ESR1: variants seen among roughly 807,000 people sequenced by gnomAD.
The protein encoded by ESR1 is estrogen receptor.
A neutral mutation model predicts 52.7 loss-of-function variants in ESR1; 12 were observed. The ratio of observed to expected loss-of-function variants is 0.23; its 90% CI spans 0.15 to 0.37. ESR1 has a LOEUF of 0.37. Among genes scored for constraint, ESR1 ranks in the 10% least tolerant of loss-of-function variants. The pLI is 1.00. For missense variants in ESR1, 584 were observed against 779.7 expected (o/e 0.75, Z 2.99); for synonymous variants, 305 against 316.8 (o/e 0.96, Z 0.39).
At chr6:151,719,681 A>G (rs914372426) in intron 2 of ESR1, among the ~76,000 whole-genome samples, 1 of 152,196 alleles carries the variant, frequency 6.6e-6, no homozygotes, top group African/African-American at 2.4e-5. Flanking sequence ...CTATCTCTAC[A>G]ATTCATTTTC....
intron 2 of ESR1, among the ~76,000 whole-genome samples, chr6:151,724,739 G>A (rs1781715786): frequency 6.6e-6 from 1 of 152,182 alleles, no homozygotes. Flanking sequence ...AGATTTTTGT[G>A]AGGTGGGGGA....
chr6:151,931,612 C>T (rs865998855), intron 3 of ESR1, among the ~76,000 whole-genome samples: 1 of 128,202 alleles, frequency 7.8e-6, no homozygotes, highest in East Asian at 2.6e-4. Flanking sequence ...CTCCCCCCAC[C>T]CCACAACACT....
intron 4 of ESR1, among the ~76,000 whole-genome samples, chr6:152,002,226 T>C (rs2128747643): frequency 8.1e-6 from 1 of 123,498 alleles, no homozygotes; most frequent in South Asian, 2.6e-4. Context: ...GTGTGTGGAA[T>C]ATCTCACTAA....
At chr6:151,917,543 A>G (rs2030541665) in intron 3 of ESR1, among the ~76,000 whole-genome samples, 1 of 152,184 alleles carries the variant, frequency 6.6e-6, no homozygotes. Context: ...TTTAGGTCAT[A>G]AGGGGTGTCA....
intron 6 of ESR1, among the ~76,000 whole-genome samples, chr6:152,069,688 G>A (rs1469697561): frequency 1.5e-5 from 2 of 136,414 alleles, no homozygotes; most frequent in Non-Finnish European, 3.0e-5. Context: ...CCCTCACATG[G>A]GCAGTTCACA....
intron 4 of ESR1, among the ~76,000 whole-genome samples, chr6:151,994,926 C>A (rs911465801): frequency 6.6e-6 from 1 of 152,114 alleles, no homozygotes; most frequent in Admixed American, 6.5e-5. Flanking sequence ...ACTTAATAAA[C>A]TAATCTTTAT....
intron 1 of ESR1, among the ~76,000 whole-genome samples, chr6:151,660,031 G>A (rs1467787696): frequency 6.6e-6 from 1 of 152,184 alleles, no homozygotes; most frequent in African/African-American, 2.4e-5. Flanking sequence ...CCTTAAAATA[G>A]ATATGTCTGT....
At chr6:151,929,244 T>C (rs2033231775) in intron 3 of ESR1, among the ~76,000 whole-genome samples, 1 of 152,224 alleles carries the variant, frequency 6.6e-6, no homozygotes, top group African/African-American at 2.4e-5. Flanking sequence ...GATTCACTTT[T>C]GTTAGGTATA....
chr6:151,828,022 C>G (rs897973056), intron 1 of ESR1, among the ~76,000 whole-genome samples: 2 of 152,148 alleles, frequency 1.3e-5, no homozygotes, highest in African/African-American at 4.8e-5. Flanking sequence ...GTAACTTGGT[C>G]CCAAGTCCCT....
chr6:151,690,457 C>G (rs1456777526), upstream of ESR1: 1 of 152,122 alleles, frequency 6.6e-6, no homozygotes, highest in Non-Finnish European at 1.5e-5. Context: ...AATGGTGGTG[C>G]TAGTTCTTTA....
At chr6:151,685,157 C>T (rs1173669447) in intron 1 of ESR1, among the ~76,000 whole-genome samples, 1 of 115,746 alleles carries the variant, frequency 8.6e-6, no homozygotes, top group Non-Finnish European at 1.7e-5. Context: ...GACGGAGTCT[C>T]GCTCTGTCGC....
chr6:151,745,694 T>C (rs1031497640), intron 2 of ESR1, among the ~76,000 whole-genome samples: 1 of 152,180 alleles, frequency 6.6e-6, no homozygotes, highest in African/African-American at 2.4e-5. Flanking sequence ...AGAGACTTTT[T>C]ATCATTGAGG....
At chr6:151,847,401 G>C (rs1432891522) in intron 2 of ESR1, among the ~76,000 whole-genome samples, 1 of 151,870 alleles carries the variant, frequency 6.6e-6, no homozygotes, top group East Asian at 1.9e-4. Context: ...TCCAGCACCT[G>C]TTGTTTCCTG....
intron 3 of ESR1, among the ~76,000 whole-genome samples, chr6:151,929,129 C>A (rs2128480690): frequency 6.6e-6 from 1 of 152,298 alleles, no homozygotes; most frequent in Non-Finnish European, 1.5e-5. Flanking sequence ...TGCCTGCTTG[C>A]ACTAGCAATT....
intron 4 of ESR1, among the ~76,000 whole-genome samples, chr6:152,008,333 T>G (rs2042497357): frequency 6.6e-6 from 1 of 152,070 alleles, no homozygotes; most frequent in Admixed American, 6.6e-5. Context: ...GAAAGATAAT[T>G]AAATAGACTC....
In ESR1 at chr6:151,979,340, A is replaced by AT. The variant is rs1183723778; in HGVS notation, c.1097-32308dup. Among the ~76,000 whole-genome samples, 16 of 152,114 alleles carry AT rather than the reference A, an allele frequency of 1.1e-4. No homozygotes were observed. In the East Asian group the frequency reaches 1.9e-3, roughly 18 times the overall value. ...GAACAGGTAGAGAACAAGGTTACTT[A>AT]TTTTTTTTAAGAACAAAATTGGTTT... On this transcript the variant is annotated intron_variant, in intron 4 of 7. Transcript: ENST00000206249.
chr6:151,768,075 G>T (rs932895750), intron 2 of ESR1, among the ~76,000 whole-genome samples: 1 of 152,186 alleles, frequency 6.6e-6, no homozygotes, highest in African/African-American at 2.4e-5. Context: ...GCTAAAATTC[G>T]TGAGGGAAAA....
At chr6:151,660,183 TG>T (rs1278121544) in intron 1 of ESR1, among the ~76,000 whole-genome samples, 1 of 152,212 alleles carries the variant, frequency 6.6e-6, no homozygotes, top group East Asian at 1.9e-4. Flanking sequence ...TCCACAGGAT[TG>T]TAAGACTTGG....
chr6:151,847,108 T>C (rs931742552), intron 2 of ESR1, among the ~76,000 whole-genome samples: 1 of 152,186 alleles, frequency 6.6e-6, no homozygotes, highest in East Asian at 1.9e-4. Context: ...CAGGCAAGTA[T>C]TGATTTACAG....
Sources: allele counts gnomAD v4.1 joint callset (sites outside exome capture counted in the v4.1 genomes callset), GRCh38; gene constraint gnomAD v4.1.1; transcripts MANE v1.5; gene names NCBI Gene and HGNC (gene_info 2026-07-23, HGNC 2026-07-21).